Variants in DUOXA2 observed in about 807,000 individuals in gnomAD.
DUOXA2 encodes the protein dual oxidase maturation factor 2.
DUOXA2 carries 22 observed loss-of-function variants against 27.6 expected under a neutral mutation model. The observed-to-expected ratio is 0.80, with a 90% CI of 0.57 to 1.14. The LOEUF is 1.14. Ranked by LOEUF, DUOXA2 falls within the 50% of genes most tolerant of loss-of-function variation. DUOXA2 has a pLI of 0.00. For synonymous variants in DUOXA2, 188 were observed against 184.4 expected, an observed-to-expected ratio of 1.02 and a Z score of -0.16; for missense variants, 481 against 419.9, an observed-to-expected ratio of 1.15 and a Z score of -1.27.
intron 4 of DUOXA2, 26 bp downstream of exon 4, chr15:45,116,755 G>T (rs1293586741): frequency 6.2e-7 from 1 of 1,609,010 alleles, no homozygotes; most frequent in East Asian, 2.2e-5. Context: ...AAGGCTGTGT[G>T]CACGTGTGTG....
At chr15:45,117,501 G>A (rs770915057) in intron 5 of DUOXA2, 196 bp downstream of exon 5, 2 of 1,552,750 alleles carry the variant, frequency 1.3e-6, no homozygotes, top group African/African-American at 1.4e-5. Context: ...GTGTCTTGCC[G>A]TGTTTCATGT....
rs941006534 is a variant in DUOXA2 at position 45,116,061 on chromosome 15, T to C, written c.206-63T>C. Reference sequence around the variant, plus strand: ...TCTCTCTGCAGTGTCCCACCTCCCATACCACTCTCTAATTCCATTTTCCCA... The same window carrying C: ...TCTCTCTGCAGTGTCCCACCTCCCACACCACTCTCTAATTCCATTTTCCCA... On this transcript the variant is annotated intron_variant, in intron 2 of 5. Coordinates refer to ENST00000323030, the MANE Select transcript of DUOXA2 (RefSeq NM_207581.4). 9 of 1,612,062 alleles carry C rather than the reference T, an allele frequency of 5.6e-6. No individual in the cohort carries two copies. In the African/African-American group the frequency reaches 1.2e-4, roughly 22 times the overall value.
intron 3 of DUOXA2, 72 bp downstream of exon 3, chr15:45,116,330 C>T (rs1894628038): frequency 6.3e-7 from 1 of 1,598,898 alleles, no homozygotes; most frequent in African/African-American, 1.3e-5. Context: ...TCAGGGATAG[C>T]TGGAGGGCCT....
chr15:45,116,846 CG>C, intron 4 of DUOXA2, 117 bp downstream of exon 4: 1 of 1,300,862 alleles, frequency 7.7e-7, no homozygotes, highest in Non-Finnish European at 1.1e-6. Flanking sequence ...CCGACGCGCT[CG>C]GGGTGGGCAT....
chr15:45,118,150 G>A lies in DUOXA2; in HGVS notation c.*241G>A. ...TTCATGGCTTCTCCGCGCCGGGGTC[G>A]CACGTCCTCATGAGCTTCGCTGGGC... On this transcript the variant is annotated 3_prime_UTR_variant, in exon 6 of 6. Transcript: ENST00000323030. 24 of 1,437,964 alleles carry A rather than the reference G, an allele frequency of 1.7e-5. No homozygotes were observed. The highest frequency in any genetic ancestry group is 1.7e-4 in the Admixed American group (6 of 36,088). 89.1% of individuals were successfully genotyped at this position (1,437,964 alleles called of 1,614,324 possible).
chr15:45,117,666 A>T (rs954499576), intron 5 of DUOXA2, 50 bp from the exon 6 acceptor site: 2 of 1,613,844 alleles, frequency 1.2e-6, no homozygotes, highest in South Asian at 2.2e-5. Context: ...CCTGGGCAAC[A>T]TAGCCCTGAC....
rs762864953 is a variant in DUOXA2 at position 45,117,292 on chromosome 15, C to G, written c.756C>G (p.Val252=). ...CTCAGTACGGCGCCGCCTTCTGGGT[C>G]ACGCTGGCAACCGGTGAGGACCGAG... The part of the protein sequence containing the change: ...LTTQYGAAFW[V]TLATGVLCLF... Residue 252 remains valine, a synonymous_variant, in exon 5 of 6, where the codon GTC becomes GTG. Coordinates refer to ENST00000323030, the MANE Select transcript of DUOXA2 (RefSeq NM_207581.4). 54 of 1,597,358 alleles carry G rather than the reference C, an allele frequency of 3.4e-5. No homozygotes were observed. The highest frequency in any genetic ancestry group is 4.6e-5 in the Non-Finnish European group (54 of 1,169,862).
At position 45,117,815 on chromosome 15, in the gene DUOXA2, G is replaced by A. The variant is rs774881100; in HGVS notation, c.869G>A (p.Ser290Asn). 3 of 1,613,936 alleles carry A rather than the reference G, an allele frequency of 1.9e-6. No individual in the cohort carries two copies. Among genetic ancestry groups the A allele is most frequent in the Non-Finnish European group, 2.5e-6 (3 of 1,180,050 alleles). ...TLLDQSAKDC[S>N]QERGGSPLIL... ...CTGGACCAAAGCGCCAAGGACTGCA[G>A]CCAGGAGAGAGGGGGCTCACCTCTT... The change falls in exon 6 of 6, where the codon AGC becomes AAC. Residue 290 changes from serine to asparagine, a missense_variant. Ser to Asn is a conservative substitution (Grantham distance 46). Transcript: ENST00000323030.
At position 45,116,594 on chromosome 15, in the gene DUOXA2, C is replaced by T; in HGVS notation, c.419C>T (p.Ala140Val). 6 of 1,614,000 alleles carry T rather than the reference C, an allele frequency of 3.7e-6. No individual in the cohort carries two copies. The highest frequency in any genetic ancestry group is 5.1e-6 in the Non-Finnish European group (6 of 1,180,036). ...FTWRLKENYA[A>V]EYANALEKGL... The stretch of plus-strand genomic sequence containing the variant: ...TGGCGTCTGAAAGAGAATTACGCCG[C>T]GGAGTACGCGAACGCACTGGAGAAG... Residue 140 changes from alanine to valine, a missense_variant, in exon 4 of 6, where the codon GCG (alanine) becomes GTG (valine). Coordinates refer to ENST00000323030, the MANE Select transcript of DUOXA2 (RefSeq NM_207581.4).
chr15:45,117,509 T>G, intron 5 of DUOXA2: 3 of 1,553,878 alleles, frequency 1.9e-6, no homozygotes, highest in Non-Finnish European at 2.6e-6. Context: ...CCGTGTTTCA[T>G]GTAATTCAGA....
rs74453607 is a variant in DUOXA2 at position 45,116,792 on chromosome 15, G to C, written c.554+63G>C. The C allele has an allele frequency of 3.3e-3, 5,178 of 1,575,074 alleles. 173 individuals carry two copies. The African/African-American group carries it at 0.064, about 19-fold the overall frequency. ...GTGCCAGGAGCTGGGCCGTATGAGC[G>C]GGAGGATGCAGGCCTCGGAGGCGCT... On this transcript the variant is annotated intron_variant, in intron 4 of 5. Transcript: ENST00000323030.
chr15:45,114,369 G>A lies in DUOXA2; in HGVS notation c.-237G>A, dbSNP rs1025154938. On this transcript the variant is annotated 5_prime_UTR_variant, in exon 1 of 6. Transcript: ENST00000323030. ...CAGGAAAGTAACGGCTACAGACAGTGAGAAATAGTTTCGCTCGCCGGCTAG... is the reference window on the plus strand; with the variant it reads ...CAGGAAAGTAACGGCTACAGACAGTAAGAAATAGTTTCGCTCGCCGGCTAG... 11 of 590,244 alleles carry A rather than the reference G, an allele frequency of 1.9e-5. No individual in the cohort carries two copies. Among genetic ancestry groups the A allele is most frequent in the Non-Finnish European group, 3.0e-5 (10 of 332,960 alleles). The allele number at this position is 590,244 out of a possible 1,614,324, so 36.6% of individuals were successfully genotyped here.
rs1595537602 is a variant in DUOXA2 at position 45,117,777 on chromosome 15, T to G, written c.831T>G (p.Ala277=). ...GTCTCCAGTATGTTCGGCCCAGCGC[T>G]CTTCGCACCCTTCTGGACCAAAGCG... is the stretch of plus-strand genomic sequence containing the variant. ...VVSLQYVRPS[A]LRTLLDQSAK... is the part of the protein sequence containing the mutation. Residue 277 remains alanine, a synonymous_variant, in exon 6 of 6, where the codon GCT becomes GCG. Transcript: ENST00000323030. The G allele has an allele frequency of 6.2e-7, 1 of 1,614,006 alleles. No homozygotes were observed.
rs780847688 is a variant in DUOXA2 at position 45,116,604 on chromosome 15, G to A, written c.429G>A (p.Ala143=). 3 of 1,614,002 alleles carry A rather than the reference G, an allele frequency of 1.9e-6. No homozygotes were observed. The highest frequency in any genetic ancestry group is 2.5e-6 in the Non-Finnish European group (3 of 1,180,042). The change falls in exon 4 of 6, where the codon GCG becomes GCA. Residue 143 remains alanine (A), a synonymous_variant. Coordinates refer to ENST00000323030, the MANE Select transcript of DUOXA2 (RefSeq NM_207581.4). ...AAGAGAATTACGCCGCGGAGTACGC[G>A]AACGCACTGGAGAAGGGGCTGCCGG... is the stretch of plus-strand genomic sequence containing the variant. The part of the protein sequence containing the change: ...RLKENYAAEY[A]NALEKGLPDP...
intron 1 of DUOXA2, 125 bp downstream of exon 1, chr15:45,114,877 G>A (rs921662836): frequency 2.1e-6 from 3 of 1,434,430 alleles, no homozygotes; most frequent in African/African-American, 2.8e-5. Flanking sequence ...AGGCTCAGGT[G>A]GAGTGAAGTC....
intron 4 of DUOXA2, 41 bp from the exon 5 acceptor site, chr15:45,117,050 G>A (rs1894675407): frequency 3.8e-6 from 6 of 1,587,788 alleles, no homozygotes; most frequent in Non-Finnish European, 5.1e-6. Context: ...CGGTGGGCTG[G>A]GAGAAGCCCG....
intron 1 of DUOXA2, chr15:45,115,249 A>G (rs1438231026): frequency 5.6e-6 from 2 of 354,216 alleles, no homozygotes; most frequent in South Asian, 2.2e-5. Context: ...AACTGGGTGC[A>G]TTGTCTTAGA....
chr15:45,116,332 G>A lies in DUOXA2; in HGVS notation c.340+74G>A. ...TTAGGTGAGTGTGTCAGGGATAGCT[G>A]GAGGGCCTCTCACATCCCACAAGCT... On this transcript the variant is annotated intron_variant, in intron 3 of 5. Transcript: ENST00000323030. 1.9e-6 allele frequency: 3 copies of A among 1,598,578 alleles called. No homozygotes were observed. The South Asian group carries it at 3.3e-5, about 18-fold the overall frequency.
intron 1 of DUOXA2, 179 bp from the exon 2 acceptor site, chr15:45,115,620 C>A (rs1020434651): frequency 2.6e-6 from 2 of 773,228 alleles, no homozygotes; most frequent in Non-Finnish European, 4.5e-6. Flanking sequence ...GGTGAAAGTG[C>A]GTGGTCACAA....
Sources: allele counts gnomAD v4.1 joint callset, GRCh38; gene constraint gnomAD v4.1.1; transcripts MANE v1.5; gene names NCBI Gene and HGNC (gene_info 2026-07-23, HGNC 2026-07-21).